The following NDUFAF2 variants were observed in gnomAD, a reference collection of about 807,000 sequenced individuals.
The protein encoded by NDUFAF2 is NADH:ubiquinone oxidoreductase complex assembly factor 2, also known as NADH dehydrogenase [ubiquinone] 1 alpha subcomplex assembly factor 2.
In NDUFAF2, 13 loss-of-function variants were observed where a neutral mutation model predicts 22.8. That is an observed-to-expected ratio of 0.57 (90% CI 0.37 to 0.91). The LOEUF (loss-of-function observed/expected upper bound fraction) is 0.91, where lower values mean the gene tolerates loss of function less well. Among genes scored for constraint, NDUFAF2 ranks in the 40% least tolerant of loss-of-function variants. NDUFAF2 has a pLI of 0.01. For missense variants in NDUFAF2, 162 were observed against 195.2 expected (o/e 0.83, Z 1.01); for synonymous variants, 53 against 64.2 (o/e 0.83, Z 0.84).
In NDUFAF2 at chr5:61,099,946, A is replaced by G. The variant is rs1388120564; in HGVS notation, c.258+914A>G. 2.6e-5 allele frequency among the ~76,000 whole-genome samples: 4 copies of G among 152,212 alleles called. No individual in the cohort carries two copies. The East Asian group carries it at 7.7e-4, about 29-fold the overall frequency. On this transcript the variant is annotated intron_variant, in intron 3 of 3. Transcript: ENST00000296597. ...TGATGATACCTCAACTGGCATGCTTATGTTTATTTGCTCCATACATTTGTC... is the reference window on the plus strand; with the variant it reads ...TGATGATACCTCAACTGGCATGCTTGTGTTTATTTGCTCCATACATTTGTC...
rs1474362623 is a variant in NDUFAF2 at position 61,107,044 on chromosome 5, TATAC to T, written c.258+8014_258+8017del. Among the ~76,000 whole-genome samples, 108 of 64,804 alleles carry T rather than the reference TATAC, an allele frequency of 1.7e-3. 2 individuals carry two copies. The highest frequency in any genetic ancestry group is 6.0e-3 in the Middle Eastern group (1 of 166). The allele number at this position is 64,804 out of a possible 152,430, so 42.5% of individuals were successfully genotyped here. On this transcript the variant is annotated intron_variant, in intron 3 of 3. Transcript: ENST00000296597. ...TCTGATTTCCTTTCCTTTGGATAAA[TATAC>T]ACACACACACACACACACACACACA... is the stretch of plus-strand genomic sequence containing the variant.
chr5:61,150,811 G>A (rs1310387360), intron 3 of NDUFAF2, among the ~76,000 whole-genome samples: 1 of 152,164 alleles, frequency 6.6e-6, no homozygotes, highest in African/African-American at 2.4e-5. Flanking sequence ...ACAGGGACTT[G>A]AATTTTTGTC....
intron 3 of NDUFAF2, among the ~76,000 whole-genome samples, chr5:61,128,863 A>C (rs1362683577): frequency 6.6e-6 from 1 of 152,158 alleles, no homozygotes; most frequent in African/African-American, 2.4e-5. Context: ...TGAACAGGCA[A>C]CCTACAGAAT....
intron 1 of NDUFAF2, among the ~76,000 whole-genome samples, chr5:60,945,765 G>A (rs939840188): frequency 6.6e-6 from 1 of 152,238 alleles, no homozygotes; most frequent in Non-Finnish European, 1.5e-5. Context: ...TTTCACCAAA[G>A]GGGCTAGAAG....
chr5:61,003,348 T>C (rs62367883), intron 1 of NDUFAF2, among the ~76,000 whole-genome samples: 1 of 152,148 alleles, frequency 6.6e-6, no homozygotes. Flanking sequence ...GTTTTGTTGC[T>C]GAAATGGCAA....
In NDUFAF2 at chr5:61,036,683, T is replaced by C. The variant is rs1255485267; in HGVS notation, c.128-36442T>C. Among the ~76,000 whole-genome samples the C allele has an allele frequency of 2.0e-5, 3 of 152,210 alleles. No homozygotes were observed. The East Asian group carries it at 5.8e-4, about 29-fold the overall frequency. On this transcript the variant is annotated intron_variant, in intron 1 of 3. Transcript: ENST00000296597. ...TGGAAGGATGACAGCAGGATGTCTT[T>C]ACCATTTCCAGTGCTGAAACAGTGA...
At chr5:61,017,642 T>C (rs1226263174) in intron 1 of NDUFAF2, among the ~76,000 whole-genome samples, 2 of 152,186 alleles carry the variant, frequency 1.3e-5, no homozygotes, top group Non-Finnish European at 2.9e-5. Flanking sequence ...TATGTGCCTA[T>C]AGTCTCAACT....
At chr5:61,068,816 C>T (rs1347856602) in intron 1 of NDUFAF2, among the ~76,000 whole-genome samples, 1 of 152,050 alleles carries the variant, frequency 6.6e-6, no homozygotes, top group Non-Finnish European at 1.5e-5. Context: ...ATTTTACCAA[C>T]CGAAATGTCA....
intron 3 of NDUFAF2, among the ~76,000 whole-genome samples, chr5:61,105,797 A>G (rs1314338474): frequency 6.6e-6 from 1 of 151,500 alleles, no homozygotes; most frequent in East Asian, 1.9e-4. Flanking sequence ...ATTTTAAAAG[A>G]CATAAACCCA....
intron 1 of NDUFAF2, among the ~76,000 whole-genome samples, chr5:60,989,567 C>T (rs1751129788): frequency 6.6e-6 from 1 of 152,118 alleles, no homozygotes; most frequent in African/African-American, 2.4e-5. Context: ...ATTATGCAGT[C>T]ATAAAAAACA....
intron 3 of NDUFAF2, among the ~76,000 whole-genome samples, chr5:61,108,726 C>T (rs1171253450): frequency 6.6e-6 from 1 of 152,094 alleles, no homozygotes; most frequent in African/African-American, 2.4e-5. Flanking sequence ...TGTCCTTTCC[C>T]TAATATATGT....
At chr5:61,055,531 T>C (rs1752076567) in intron 1 of NDUFAF2, among the ~76,000 whole-genome samples, 1 of 152,180 alleles carries the variant, frequency 6.6e-6, no homozygotes, top group African/African-American at 2.4e-5. Flanking sequence ...AAAGCCCAAA[T>C]TATGCATTAT....
At chr5:60,952,286 G>A (rs369062331) in intron 1 of NDUFAF2, among the ~76,000 whole-genome samples, 3 of 151,372 alleles carry the variant, frequency 2.0e-5, no homozygotes, top group African/African-American at 7.3e-5. Context: ...GTTTCTTAAG[G>A]TGGCCACTGA....
intron 2 of NDUFAF2, among the ~76,000 whole-genome samples, chr5:61,097,525 C>T (rs1187312858): frequency 6.6e-6 from 1 of 152,126 alleles, no homozygotes; most frequent in Admixed American, 6.5e-5. Flanking sequence ...CAGTCTGTGC[C>T]TAAATGAATA....
chr5:60,984,526 C>T (rs916769446), intron 1 of NDUFAF2, among the ~76,000 whole-genome samples: 1 of 152,140 alleles, frequency 6.6e-6, no homozygotes. Flanking sequence ...ATGATATTGG[C>T]TGTGGGTGTG....
At chr5:61,105,254 A>C (rs1752748251) in intron 3 of NDUFAF2, among the ~76,000 whole-genome samples, 1 of 151,268 alleles carries the variant, frequency 6.6e-6, no homozygotes, top group Non-Finnish European at 1.5e-5. Context: ...TGGATTTTTC[A>C]GGCCCATTTC....
intron 1 of NDUFAF2, among the ~76,000 whole-genome samples, chr5:60,983,677 T>A (rs1370947516): frequency 6.6e-6 from 1 of 151,282 alleles, no homozygotes; most frequent in Non-Finnish European, 1.5e-5. Flanking sequence ...CCATTTCTTG[T>A]TTTTGTCAGG....
At chr5:61,006,769 A>G (rs1751372209) in intron 1 of NDUFAF2, among the ~76,000 whole-genome samples, 1 of 152,078 alleles carries the variant, frequency 6.6e-6, no homozygotes, top group Non-Finnish European at 1.5e-5. Flanking sequence ...TAGAGAATGT[A>G]TTGCAGTACA....
chr5:60,955,490 C>G lies in NDUFAF2; in HGVS notation c.127+10108C>G, dbSNP rs112576663. On this transcript the variant is annotated intron_variant, in intron 1 of 3. Coordinates refer to ENST00000296597, the MANE Select transcript of NDUFAF2 (RefSeq NM_174889.5). ...GTAGCTTTTAAACGTATTTTGAAATCAGACAGTGTGATGCGTCCAGATTTG... is the reference window on the plus strand; with the variant it reads ...GTAGCTTTTAAACGTATTTTGAAATGAGACAGTGTGATGCGTCCAGATTTG... 2.4e-3 allele frequency among the ~76,000 whole-genome samples: 364 copies of G among 152,232 alleles called. 8 individuals carry two copies. The highest frequency in any genetic ancestry group is 8.5e-3 in the African/African-American group (354 of 41,558).
Sources: gnomAD v4.1 joint callset for allele counts (sites outside exome capture counted in the v4.1 genomes callset) on GRCh38, gnomAD v4.1.1 for gene constraint, MANE v1.5 for transcripts, NCBI Gene and HGNC (gene_info 2026-07-23, HGNC 2026-07-21) for gene names.